Variants in NDUFAF6 observed in about 807,000 individuals in gnomAD.
The protein encoded by NDUFAF6 is NADH:ubiquinone oxidoreductase complex assembly factor 6, also known as NADH dehydrogenase (ubiquinone) complex I, assembly factor 6.
A neutral mutation model predicts 40.8 loss-of-function variants in NDUFAF6; 45 were observed. The observed-to-expected ratio is 1.10, with a 90% confidence interval of 0.87 to 1.42. The LOEUF is 1.42. NDUFAF6 is among the 40% of genes most tolerant of loss of function. NDUFAF6 has a pLI of 0.00. For missense variants in NDUFAF6, 435 were observed against 418.5 expected (o/e 1.04, Z -0.34); for synonymous variants, 185 against 155.9 (o/e 1.19, Z -1.39).
chr8:95,037,193 GTCTT>G (rs1829604189), intron 3 of NDUFAF6, among the ~76,000 whole-genome samples: 1 of 152,120 alleles, frequency 6.6e-6, no homozygotes, highest in African/African-American at 2.4e-5. Flanking sequence ...TATAACCAAG[GTCTT>G]TCTTCTATTT....
At chr8:94,917,012 G>T (rs959768451) in intron 1 of NDUFAF6, among the ~76,000 whole-genome samples, 3 of 150,044 alleles carry the variant, frequency 2.0e-5, no homozygotes, top group Non-Finnish European at 3.0e-5. Context: ...TACTCAGGAG[G>T]CTAAAGCAGA....
chr8:94,926,360 C>T (rs1451912728), intron 1 of NDUFAF6: 1 of 151,904 alleles, frequency 6.6e-6, no homozygotes, highest in Admixed American at 6.6e-5. Context: ...AACTCATGCC[C>T]TGCCCCTATA....
chr8:94,940,833 TG>T, intron 1 of NDUFAF6: 2 of 1,610,760 alleles, frequency 1.2e-6, no homozygotes, highest in South Asian at 2.2e-5. Flanking sequence ...ACCTTACCTA[TG>T]AAGTCAACAA....
At position 95,002,802 on chromosome 8, in the gene NDUFAF6, G is replaced by C. The variant is rs557235635; in HGVS notation, c.-84+21829G>C. On this transcript the variant is annotated intron_variant, in intron 2 of 9. Transcript: ENST00000396111. ...CTGGCTTAAGCATAAGAGGCACCTGGTTGGCTCATACAATTGACAAGTCCA... is the reference window on the plus strand; with the variant it reads ...CTGGCTTAAGCATAAGAGGCACCTGCTTGGCTCATACAATTGACAAGTCCA... Among the ~76,000 whole-genome samples, 4 of 152,324 alleles carry C rather than the reference G, an allele frequency of 2.6e-5. No homozygotes were observed. In the South Asian group the frequency reaches 8.3e-4, roughly 32 times the overall value.
At chr8:94,989,762 G>C (rs774070756) in intron 2 of NDUFAF6, among the ~76,000 whole-genome samples, 4 of 152,084 alleles carry the variant, frequency 2.6e-5, no homozygotes, top group African/African-American at 4.8e-5. Flanking sequence ...ACATCACAAT[G>C]GTCTCTCTCT....
chr8:94,917,967 T>A (rs977945400), intron 1 of NDUFAF6, among the ~76,000 whole-genome samples: 9 of 152,244 alleles, frequency 5.9e-5, no homozygotes, highest in African/African-American at 2.2e-4. Flanking sequence ...ATTGATATTC[T>A]GCAGCACATG....
intron 1 of NDUFAF6, among the ~76,000 whole-genome samples, chr8:94,959,803 G>T (rs1407561971): frequency 6.6e-6 from 1 of 152,170 alleles, no homozygotes; most frequent in African/African-American, 2.4e-5. Context: ...CCCTCCCAAA[G>T]TGCTGGGATT....
At chr8:95,065,454 C>T (rs1274017559) in intron 9 of NDUFAF6, among the ~76,000 whole-genome samples, 1 of 152,096 alleles carries the variant, frequency 6.6e-6, no homozygotes, top group Non-Finnish European at 1.5e-5. Flanking sequence ...ATTTTTTTCC[C>T]CCTTGGCATA....
intron 1 of NDUFAF6, among the ~76,000 whole-genome samples, chr8:94,911,904 T>C (rs1366384225): frequency 6.6e-6 from 1 of 152,214 alleles, no homozygotes; most frequent in Non-Finnish European, 1.5e-5. Context: ...TCAAACACAA[T>C]AGCTCAAGAA....
intron 2 of NDUFAF6, chr8:94,949,142 C>CACT (rs572827485): frequency 6.7e-6 from 1 of 149,524 alleles, no homozygotes; most frequent in African/African-American, 2.4e-5. Context: ...CCCGCCCCCC[C>CACT]CCGGCACTTA....
downstream of NDUFAF6, among the ~76,000 whole-genome samples, chr8:95,104,566 G>A (rs1201296255): frequency 1.3e-5 from 2 of 152,138 alleles, no homozygotes; most frequent in African/African-American, 2.4e-5. Context: ...CTCGTCTAAG[G>A]ATGTTTATGT....
At chr8:95,062,434 C>T (rs1832595388), downstream of NDUFAF6, among the ~76,000 whole-genome samples, 1 of 152,072 alleles carries the variant, frequency 6.6e-6, no homozygotes, top group South Asian at 2.1e-4. Flanking sequence ...CCAAATTAGG[C>T]CTGCAGGCAT....
chr8:94,921,360 G>A (rs947428751), intron 1 of NDUFAF6, among the ~76,000 whole-genome samples: 2 of 152,170 alleles, frequency 1.3e-5, no homozygotes, highest in Non-Finnish European at 2.9e-5. Flanking sequence ...AGCTTTGACT[G>A]GGGCATAGTC....
intron 2 of NDUFAF6, among the ~76,000 whole-genome samples, chr8:95,090,903 C>T (rs965453399): frequency 1.2e-4 from 18 of 152,186 alleles, no homozygotes; most frequent in Non-Finnish European, 2.1e-4. Context: ...CTATATTGGA[C>T]TCCAAGTTCT....
At chr8:94,917,989 C>T (rs1472011173) in intron 1 of NDUFAF6, among the ~76,000 whole-genome samples, 1 of 152,176 alleles carries the variant, frequency 6.6e-6, no homozygotes, top group African/African-American at 2.4e-5. Context: ...TGCCAAGTGC[C>T]TGTTTTGTCA....
At position 95,092,618 on chromosome 8, in the gene NDUFAF6, T is replaced by C. The variant is rs527249093; in HGVS notation, n.214-8514T>C. Among the ~76,000 whole-genome samples, 539 of 135,188 alleles carry C rather than the reference T, an allele frequency of 4.0e-3. 2 individuals carry two copies. Among genetic ancestry groups the C allele is most frequent in the Middle Eastern group, 8.1e-3 (2 of 246 alleles). 88.7% of individuals were successfully genotyped at this position (135,188 alleles called of 152,430 possible). On this transcript the variant is annotated intron_variant and non_coding_transcript_variant, in intron 2 of 5. Coordinates refer to the NDUFAF6 transcript ENST00000523184. ...TTTTTTTTTTGAGATAGAGTCTCGC[T>C]CTGTCGCCCAGGCTGGAGTGCAGTG... is the stretch of plus-strand genomic sequence containing the variant.
intron 6 of NDUFAF6, among the ~76,000 whole-genome samples, chr8:95,048,242 T>C (rs1563830111): frequency 6.6e-6 from 1 of 152,182 alleles, no homozygotes; most frequent in Non-Finnish European, 1.5e-5. Context: ...TCTCTCATTT[T>C]TGTTTTTTTT....
intron 4 of NDUFAF6, among the ~76,000 whole-genome samples, chr8:95,043,341 A>G (rs1830357254): frequency 6.6e-6 from 1 of 151,792 alleles, no homozygotes; most frequent in Non-Finnish European, 1.5e-5. Flanking sequence ...CACCCGCCTC[A>G]GCCTCCCGAA....
chr8:94,987,264 A>G (rs1825961601), intron 2 of NDUFAF6, among the ~76,000 whole-genome samples: 1 of 152,220 alleles, frequency 6.6e-6, no homozygotes, highest in South Asian at 2.1e-4. Flanking sequence ...GACTTGGTTC[A>G]TCCACCCCTC....
Sources: allele counts gnomAD v4.1 joint callset (sites outside exome capture counted in the v4.1 genomes callset), GRCh38; gene constraint gnomAD v4.1.1; transcripts MANE v1.5; gene names NCBI Gene and HGNC (gene_info 2026-07-23, HGNC 2026-07-21).